CCSER1: variants seen among roughly 807,000 people sequenced by gnomAD.
The protein encoded by CCSER1 is coiled-coil serine rich protein 1.
A neutral mutation model predicts 82.0 loss-of-function variants in CCSER1; 41 were observed. That is an observed-to-expected ratio of 0.50 (90% CI 0.39 to 0.65). CCSER1 has a LOEUF of 0.65. CCSER1 is among the 30% of genes least tolerant of loss of function. The probability of loss-of-function intolerance (pLI) is 0.00; values close to 1 mark genes in which losing one functional copy is unlikely to be tolerated. For synonymous variants in CCSER1, 414 were observed against 383.9 expected, an observed-to-expected ratio of 1.08 and a Z score of -0.92; for missense variants, 1,119 against 1,064.2, an observed-to-expected ratio of 1.05 and a Z score of -0.72.
chr4:91,093,584 G>C (rs1222747234), intron 10 of CCSER1, among the ~76,000 whole-genome samples: 1 of 152,218 alleles, frequency 6.6e-6, no homozygotes, highest in Non-Finnish European at 1.5e-5. Flanking sequence ...AGCTGCCAGG[G>C]CTCTCAGACG....
intron 1 of CCSER1, among the ~76,000 whole-genome samples, chr4:90,240,417 T>C (rs923188036): frequency 1.3e-5 from 2 of 152,134 alleles, no homozygotes; most frequent in Non-Finnish European, 2.9e-5. Context: ...CACACGTTCT[T>C]ATACCCTGCA....
intron 10 of CCSER1, among the ~76,000 whole-genome samples, chr4:91,207,034 A>G (rs1167135262): frequency 6.6e-6 from 1 of 151,834 alleles, no homozygotes; most frequent in African/African-American, 2.4e-5. Context: ...CTTACTTGAA[A>G]GATATAAGAT....
At chr4:90,930,335 C>T (rs1729577744) in intron 9 of CCSER1, among the ~76,000 whole-genome samples, 1 of 152,038 alleles carries the variant, frequency 6.6e-6, no homozygotes, top group African/African-American at 2.4e-5. Context: ...GGCAGGGTGG[C>T]TCACGCCTGT....
At chr4:91,182,562 T>C (rs1403842361) in intron 10 of CCSER1, among the ~76,000 whole-genome samples, 3 of 152,242 alleles carry the variant, frequency 2.0e-5, no homozygotes, top group African/African-American at 7.2e-5. Flanking sequence ...CCTCTGTGGC[T>C]TGTCCTTGAG....
intron 1 of CCSER1, among the ~76,000 whole-genome samples, chr4:90,238,824 A>G (rs1746294168): frequency 6.6e-6 from 1 of 151,968 alleles, no homozygotes; most frequent in Admixed American, 6.6e-5. Flanking sequence ...TCTTTTTAAA[A>G]TATTAGCTTG....
chr4:90,637,627 T>G (rs144860547), intron 6 of CCSER1, among the ~76,000 whole-genome samples: 252 of 152,264 alleles, frequency 1.7e-3, no homozygotes, highest in African/African-American at 5.7e-3. Flanking sequence ...TCTCAAAATC[T>G]AAAGTGTGTA....
intron 10 of CCSER1, among the ~76,000 whole-genome samples, chr4:91,379,796 A>G (rs913461815): frequency 6.6e-6 from 1 of 151,978 alleles, no homozygotes; most frequent in African/African-American, 2.4e-5. Flanking sequence ...CTAGATTTTG[A>G]ATGTGTTTGC....
intron 10 of CCSER1, among the ~76,000 whole-genome samples, chr4:91,511,644 T>G (rs1424625125): frequency 3.3e-5 from 5 of 152,074 alleles, no homozygotes; most frequent in African/African-American, 1.2e-4. Flanking sequence ...TAGATTCTTT[T>G]GGGAACATGA....
chr4:90,491,260 A>G (rs1236732887), intron 5 of CCSER1, among the ~76,000 whole-genome samples: 1 of 151,868 alleles, frequency 6.6e-6, no homozygotes, highest in Non-Finnish European at 1.5e-5. Context: ...ATTCCTAGGT[A>G]TTTTATTCTC....
intron 5 of CCSER1, among the ~76,000 whole-genome samples, chr4:90,568,421 T>A (rs1779665727): frequency 6.6e-6 from 1 of 152,226 alleles, no homozygotes; most frequent in South Asian, 2.1e-4. Flanking sequence ...ATGATGTTCT[T>A]GTCTCTTTTT....
chr4:90,316,483 A>G (rs1316109657), intron 3 of CCSER1, among the ~76,000 whole-genome samples: 2 of 152,216 alleles, frequency 1.3e-5, no homozygotes, highest in African/African-American at 4.8e-5. Context: ...CTTAATCTGA[A>G]CTTAAAATGC....
chr4:91,431,001 C>T (rs555559484), intron 10 of CCSER1, among the ~76,000 whole-genome samples: 27 of 152,230 alleles, frequency 1.8e-4, no homozygotes, highest in African/African-American at 5.3e-4. Context: ...TTTTGGGAGG[C>T]GGAGGTGGGC....
At chr4:91,120,894 A>G (rs1727026205) in intron 10 of CCSER1, among the ~76,000 whole-genome samples, 1 of 151,896 alleles carries the variant, frequency 6.6e-6, no homozygotes, top group Admixed American at 6.6e-5. Flanking sequence ...AGAGGGGATG[A>G]CAAGTTGTCT....
intron 10 of CCSER1, among the ~76,000 whole-genome samples, chr4:91,385,349 T>A (rs966624668): frequency 1.3e-5 from 2 of 151,734 alleles, no homozygotes; most frequent in Non-Finnish European, 2.9e-5. Flanking sequence ...TTTTGAGTAA[T>A]AAAGAGGAGG....
chr4:91,378,425 T>C (rs6834376), intron 10 of CCSER1, among the ~76,000 whole-genome samples: 66,115 of 151,982 alleles, frequency 0.44, 14,818 homozygotes, highest in East Asian at 0.79. Flanking sequence ...TTTTATTTCA[T>C]TGAGCAGTGG....
intron 10 of CCSER1, among the ~76,000 whole-genome samples, chr4:91,191,154 G>A (rs543588451): frequency 6.6e-6 from 1 of 152,276 alleles, no homozygotes; most frequent in South Asian, 2.1e-4. Context: ...CTGTACAAAA[G>A]TTAATTACCC....
At chr4:91,181,262 A>G (rs141139452) in intron 10 of CCSER1, among the ~76,000 whole-genome samples, 1,537 of 152,334 alleles carry the variant, frequency 0.01, 13 homozygotes, top group African/African-American at 0.025. Context: ...GCTACTTCTC[A>G]CAGGAGTCAG....
chr4:91,132,133 T>A (rs1028266852), intron 10 of CCSER1, among the ~76,000 whole-genome samples: 1 of 152,048 alleles, frequency 6.6e-6, no homozygotes, highest in African/African-American at 2.4e-5. Context: ...GGAAAATGAA[T>A]AAAGAATATA....
At chr4:90,809,452 C>A (rs1390624930) in intron 7 of CCSER1, among the ~76,000 whole-genome samples, 1 of 151,984 alleles carries the variant, frequency 6.6e-6, no homozygotes, top group Non-Finnish European at 1.5e-5. Flanking sequence ...ACTAAATACC[C>A]CATGTTCTTA....
Sources: gnomAD v4.1 joint callset for allele counts (sites outside exome capture counted in the v4.1 genomes callset) on GRCh38, gnomAD v4.1.1 for gene constraint, MANE v1.5 for transcripts, NCBI Gene and HGNC (gene_info 2026-07-23, HGNC 2026-07-21) for gene names.